The following HS6ST2 variants were observed in gnomAD, a reference collection of about 807,000 sequenced individuals.
The protein encoded by HS6ST2 is heparan-sulfate 6-O-sulfotransferase 2.
HS6ST2 carries 17 observed loss-of-function variants against 33.0 expected under a neutral mutation model. The ratio of observed to expected loss-of-function variants is 0.52; its 90% CI spans 0.35 to 0.77. HS6ST2 has a LOEUF of 0.77. Ranked by LOEUF, HS6ST2 falls within the 30% of genes least tolerant of loss-of-function variation. HS6ST2 has a pLI of 0.01. For synonymous variants in HS6ST2, 248 were observed against 237.1 expected, an observed-to-expected ratio of 1.05 and a Z score of -0.42; for missense variants, 519 against 551.7, an observed-to-expected ratio of 0.94 and a Z score of 0.59.
intron 2 of HS6ST2, among the ~76,000 whole-genome samples, chrX:132,855,025 C>G (rs1157830412): frequency 8.9e-6 from 1 of 112,346 alleles, no homozygotes; most frequent in African/African-American, 3.2e-5. Flanking sequence ...GTACTTTGCT[C>G]TCTCATTCAA....
At chrX:132,906,445 A>G (rs2066476373) in intron 2 of HS6ST2, among the ~76,000 whole-genome samples, 1 of 112,243 alleles carries the variant, frequency 8.9e-6, no homozygotes, top group Non-Finnish European at 1.9e-5. Context: ...AATCATATCT[A>G]TGCAACATAA....
intron 3 of HS6ST2, among the ~76,000 whole-genome samples, chrX:132,672,302 T>C (rs976929730): frequency 1.0e-5 from 1 of 100,252 alleles, no homozygotes; most frequent in African/African-American, 3.8e-5. Context: ...ATATATGAGA[T>C]TGGTGGGGGG....
intron 2 of HS6ST2, among the ~76,000 whole-genome samples, chrX:132,763,003 A>G (rs1213407254): frequency 8.9e-6 from 1 of 112,102 alleles, no homozygotes; most frequent in African/African-American, 3.2e-5. Context: ...GACAATAATG[A>G]TATGATCCTC....
intron 2 of HS6ST2, among the ~76,000 whole-genome samples, chrX:132,932,907 A>G (rs886686228): frequency 1.9e-5 from 2 of 106,140 alleles, no homozygotes; most frequent in Admixed American, 1.0e-4. Flanking sequence ...TATAATATAT[A>G]TTTATATATA....
intron 2 of HS6ST2, among the ~76,000 whole-genome samples, chrX:132,853,315 G>C (rs1412651809): frequency 1.4e-5 from 1 of 71,439 alleles, no homozygotes; most frequent in Admixed American, 1.3e-4. Flanking sequence ...TAGGGTGCCT[G>C]GCTTTTTTTT....
At chrX:132,928,603 G>A (rs888963033) in intron 2 of HS6ST2, among the ~76,000 whole-genome samples, 12 of 110,997 alleles carry the variant, frequency 1.1e-4, no homozygotes, top group African/African-American at 3.6e-4. Context: ...AACTATATCA[G>A]GGACTCAACT....
chrX:132,642,014 G>A (rs1260307697), intron 4 of HS6ST2, among the ~76,000 whole-genome samples: 8 of 111,948 alleles, frequency 7.1e-5, no homozygotes, highest in Admixed American at 1.9e-4. Context: ...TACGGATCCC[G>A]AACCAGATAG....
intron 2 of HS6ST2, among the ~76,000 whole-genome samples, chrX:132,869,396 C>A (rs1005997165): frequency 6.3e-5 from 7 of 111,922 alleles, no homozygotes; most frequent in African/African-American, 2.3e-4. Context: ...AAAAGAGGGA[C>A]GCCTCCCTAA....
chrX:132,678,859 A>G (rs1018804358), intron 3 of HS6ST2, among the ~76,000 whole-genome samples: 2 of 112,509 alleles, frequency 1.8e-5, no homozygotes, highest in Non-Finnish European at 3.7e-5. Flanking sequence ...TAAACCTTGT[A>G]TAACTTAAAC....
chrX:132,938,429 C>T (rs187275574), intron 2 of HS6ST2, among the ~76,000 whole-genome samples: 1 of 109,265 alleles, frequency 9.2e-6, no homozygotes, highest in East Asian at 2.9e-4. Context: ...CCACTTGAGC[C>T]CAGGAGTCCA....
chrX:132,864,283 G>C (rs778596828), intron 2 of HS6ST2, among the ~76,000 whole-genome samples: 10 of 109,337 alleles, frequency 9.1e-5, no homozygotes, highest in Non-Finnish European at 1.7e-4. Context: ...GCTTCAGAAG[G>C]TGGGTAATAA....
intron 2 of HS6ST2, among the ~76,000 whole-genome samples, chrX:132,901,864 G>A (rs1465204550): frequency 9.0e-6 from 1 of 111,216 alleles, no homozygotes. Flanking sequence ...GGGAAAAGTC[G>A]GGGGAGGGAA....
chrX:132,909,269 G>C (rs745728707), intron 2 of HS6ST2, among the ~76,000 whole-genome samples: 9 of 112,482 alleles, frequency 8.0e-5, no homozygotes, highest in South Asian at 3.7e-4. Context: ...ACATGAAAAT[G>C]CCAAAATTTT....
At chrX:132,631,819 C>T (rs765652136) in intron 4 of HS6ST2, among the ~76,000 whole-genome samples, 1 of 111,074 alleles carries the variant, frequency 9.0e-6, no homozygotes, top group Non-Finnish European at 1.9e-5. Context: ...AAGAGTGCAC[C>T]ACAGTGGAAG....
rs146037315 is a variant in HS6ST2, at chrX:132,688,622, G to A, written c.981-19423C>T. On this transcript the variant is annotated intron_variant, in intron 3 of 4. Transcript: ENST00000370833. ...CTCCTGAGAACTCACCCCCTATCAT[G>A]AGAACAGCATGGGGTTAACCACCCC... is the stretch of plus-strand genomic sequence containing the variant. Among the ~76,000 whole-genome samples, 7 of 111,483 alleles carry A rather than the reference G, an allele frequency of 6.3e-5. No homozygotes were observed. The East Asian group carries it at 2.0e-3, about 32-fold the overall frequency.
In HS6ST2 at chrX:132,637,839, ATTTTATATATAATATATATATAAT is replaced by A. The variant is rs1569475913; in HGVS notation, c.1068-8770_1068-8747del. Reference sequence around the variant, plus strand: ...TTATATATATAATATTATATATAATATTTTATATATAATATATATATAATATATTATATATAATATATATATAAT... The same window carrying A: ...TTATATATATAATATTATATATAATAATATTATATATAATATATATATAAT... On this transcript the variant is annotated intron_variant, in intron 4 of 4. Coordinates refer to ENST00000370833, the MANE Select transcript of HS6ST2 (RefSeq NM_001394073.1). Among the ~76,000 whole-genome samples, 257 of 44,139 alleles carry A rather than the reference ATTTTATATATAATATATATATAAT, an allele frequency of 5.8e-3. 8 individuals carry two copies. In the African/African-American group the frequency reaches 0.085, roughly 15 times the overall value. 38.3% of individuals were successfully genotyped at this position (44,139 alleles called of 115,157 possible).
chrX:132,669,587 T>G (rs1031519248), intron 3 of HS6ST2: 1 of 117,602 alleles, frequency 8.5e-6, no homozygotes, highest in African/African-American at 3.2e-5. Flanking sequence ...TCATTACATG[T>G]TCAGTTCTGA....
chrX:132,707,896 A>G (rs1241503751), intron 3 of HS6ST2, among the ~76,000 whole-genome samples: 1 of 111,601 alleles, frequency 9.0e-6, no homozygotes, highest in African/African-American at 3.3e-5. Context: ...GTATTTGATT[A>G]GATTTGCTCT....
chrX:132,911,386 A>T lies in HS6ST2; in HGVS notation c.947+45422T>A, dbSNP rs189251290. ...CTTGAATTAGATACACCAACAAAGC[A>T]GTAATTGTCCATTGGGAGTTCCAGA... On this transcript the variant is annotated intron_variant, in intron 2 of 4. Transcript: ENST00000370833. Among the ~76,000 whole-genome samples the T allele has an allele frequency of 1.1e-4, 12 of 111,350 alleles. No individual in the cohort carries two copies. The South Asian group carries it at 4.6e-3, about 42-fold the overall frequency.
Sources: allele counts gnomAD v4.1 joint callset (sites outside exome capture counted in the v4.1 genomes callset), GRCh38; gene constraint gnomAD v4.1.1; transcripts MANE v1.5; gene names NCBI Gene and HGNC (gene_info 2026-07-23, HGNC 2026-07-21).